The following ESRRG variants were observed in gnomAD, a reference collection of about 807,000 sequenced individuals.
The protein encoded by ESRRG is estrogen related receptor gamma.
A neutral mutation model predicts 44.0 loss-of-function variants in ESRRG; 13 were observed. That is an observed-to-expected ratio of 0.30 (90% CI 0.19 to 0.47). The LOEUF (loss-of-function observed/expected upper bound fraction) is 0.47. Ranked by LOEUF, ESRRG falls within the 20% of genes least tolerant of loss-of-function variation. The pLI, the probability that ESRRG is intolerant of heterozygous loss-of-function variation, is 1.00. For synonymous variants in ESRRG, 215 were observed against 214.6 expected (o/e 1.00, Z -0.02); for missense variants, 395 against 580.6 (o/e 0.68, Z 3.29).
chr1:216,773,110 GA>G (rs1464549545), intron 2 of ESRRG, among the ~76,000 whole-genome samples: 2 of 152,012 alleles, frequency 1.3e-5, no homozygotes, highest in African/African-American at 4.8e-5. Flanking sequence ...AGGCATGAAA[GA>G]AATCTTAACC....
At chr1:216,885,395 T>A (rs2096500572) in intron 2 of ESRRG, among the ~76,000 whole-genome samples, 1 of 152,042 alleles carries the variant, frequency 6.6e-6, no homozygotes, top group Non-Finnish European at 1.5e-5. Flanking sequence ...TCTAAAGATG[T>A]CTGGGGAGAG....
chr1:217,044,933 G>A (rs919168014), intron 1 of ESRRG, among the ~76,000 whole-genome samples: 1 of 152,098 alleles, frequency 6.6e-6, no homozygotes, highest in Non-Finnish European at 1.5e-5. Context: ...AGCTATCTGA[G>A]ATATTAAAAC....
chr1:216,571,782 G>T (rs2060853110), intron 3 of ESRRG, among the ~76,000 whole-genome samples: 1 of 152,022 alleles, frequency 6.6e-6, no homozygotes, highest in Non-Finnish European at 1.5e-5. Flanking sequence ...AGACTAATTA[G>T]ATAATGCATT....
chr1:216,695,989 C>T (rs554841333), intron 1 of ESRRG, among the ~76,000 whole-genome samples: 101 of 152,334 alleles, frequency 6.6e-4, no homozygotes, highest in African/African-American at 2.3e-3. Flanking sequence ...GTTGAAGATG[C>T]TGGCATAGAT....
At chr1:216,744,797 A>C (rs1208799681) in intron 2 of ESRRG, among the ~76,000 whole-genome samples, 1 of 152,190 alleles carries the variant, frequency 6.6e-6, no homozygotes, top group Non-Finnish European at 1.5e-5. Context: ...ATCAGCCTTC[A>C]TGATGTCGTC....
intron 2 of ESRRG, among the ~76,000 whole-genome samples, chr1:216,867,946 A>G (rs1465778570): frequency 6.6e-6 from 1 of 152,080 alleles, no homozygotes; most frequent in Non-Finnish European, 1.5e-5. Flanking sequence ...CCTGGCAACC[A>G]CTGATCTGTC....
At chr1:216,568,825 C>T (rs200103416) in intron 3 of ESRRG, among the ~76,000 whole-genome samples, 6 of 152,002 alleles carry the variant, frequency 3.9e-5, no homozygotes, top group East Asian at 1.9e-4. Flanking sequence ...GAGGCCAAGG[C>T]GGGCAGATCA....
chr1:217,055,131 T>C (rs2086822520), intron 1 of ESRRG, among the ~76,000 whole-genome samples: 1 of 152,230 alleles, frequency 6.6e-6, no homozygotes, highest in Non-Finnish European at 1.5e-5. Context: ...AATCTAATTA[T>C]GTCAGTGTCT....
chr1:216,750,253 G>C (rs192298791), intron 2 of ESRRG, among the ~76,000 whole-genome samples: 1 of 152,156 alleles, frequency 6.6e-6, no homozygotes, highest in East Asian at 1.9e-4. Flanking sequence ...ACATCGCCTC[G>C]GAGAGAACAA....
At chr1:216,569,454 G>A (rs1342161222) in intron 3 of ESRRG, among the ~76,000 whole-genome samples, 3 of 152,082 alleles carry the variant, frequency 2.0e-5, no homozygotes, top group Non-Finnish European at 4.4e-5. Flanking sequence ...ATTCAAAGGG[G>A]ATTTTCTGGC....
chr1:216,820,231 G>A (rs1193495591), intron 2 of ESRRG, among the ~76,000 whole-genome samples: 10 of 152,076 alleles, frequency 6.6e-5, no homozygotes, highest in Admixed American at 2.6e-4. Flanking sequence ...TTTCAGAGTC[G>A]AGATAAACTG....
intron 2 of ESRRG, among the ~76,000 whole-genome samples, chr1:216,883,717 C>T (rs1263987322): frequency 6.6e-6 from 1 of 152,174 alleles, no homozygotes; most frequent in African/African-American, 2.4e-5. Flanking sequence ...AATACACCCC[C>T]TAATGGTAGC....
chr1:216,507,262 A>T, intron 6 of ESRRG, 79 bp from the exon 7 acceptor site: 1 of 948,666 alleles, frequency 1.1e-6, no homozygotes, highest in Admixed American at 2.7e-5. Flanking sequence ...AAAATTAGTT[A>T]TTAATTTAAT....
intron 1 of ESRRG, among the ~76,000 whole-genome samples, chr1:216,722,288 G>A (rs1388448905): frequency 6.6e-6 from 1 of 152,166 alleles, no homozygotes; most frequent in Non-Finnish European, 1.5e-5. Context: ...CAGAAAGGGA[G>A]ATAAACCAGT....
intron 2 of ESRRG, among the ~76,000 whole-genome samples, chr1:216,776,680 A>T (rs536105388): frequency 6.6e-6 from 1 of 152,310 alleles, no homozygotes; most frequent in South Asian, 2.1e-4. Flanking sequence ...ATACATTGGT[A>T]GTAAGGGATT....
chr1:216,768,147 T>A (rs1008339295), intron 2 of ESRRG, among the ~76,000 whole-genome samples: 10 of 152,106 alleles, frequency 6.6e-5, no homozygotes, highest in African/African-American at 2.4e-4. Flanking sequence ...GCAACCAGAC[T>A]AAGGCCATAG....
At chr1:216,759,403 A>G (rs926114761) in intron 2 of ESRRG, among the ~76,000 whole-genome samples, 2 of 152,016 alleles carry the variant, frequency 1.3e-5, no homozygotes, top group African/African-American at 2.4e-5. Context: ...AGCCCTGTGT[A>G]CCCCAGCAAA....
intron 1 of ESRRG, among the ~76,000 whole-genome samples, chr1:217,040,700 G>A (rs999855825): frequency 6.6e-6 from 1 of 152,008 alleles, no homozygotes; most frequent in Non-Finnish European, 1.5e-5. Context: ...TTTTGATTAT[G>A]AGAAAACTGA....
chr1:216,649,714 G>A (rs1235644365), intron 3 of ESRRG, among the ~76,000 whole-genome samples: 3 of 152,112 alleles, frequency 2.0e-5, no homozygotes, highest in Non-Finnish European at 4.4e-5. Context: ...GAATTTGAGA[G>A]TGTCTTCTTT....
Sources: allele counts gnomAD v4.1 joint callset (sites outside exome capture counted in the v4.1 genomes callset), GRCh38; gene constraint gnomAD v4.1.1; transcripts MANE v1.5; gene names NCBI Gene and HGNC (gene_info 2026-07-23, HGNC 2026-07-21).